CSMD1: variants seen among roughly 807,000 people sequenced by gnomAD.
CSMD1 encodes the protein CUB and Sushi multiple domains 1.
Under a neutral mutation model 417.5 loss-of-function variants are expected in CSMD1, and 213 were observed. The observed-to-expected ratio is 0.51, with a 90% CI of 0.46 to 0.57. The LOEUF is 0.57. Among genes scored for constraint, CSMD1 ranks in the 20% least tolerant of loss-of-function variants. The pLI is 0.00. For missense variants in CSMD1, 6,923 were observed against 4,529.7 expected, an observed-to-expected ratio of 1.53 and a Z score of -15.17; for synonymous variants, 2,862 against 1,736.8, an observed-to-expected ratio of 1.65 and a Z score of -16.11.
chr8:4,778,000 A>T (rs1280068701), intron 1 of CSMD1, among the ~76,000 whole-genome samples: 3 of 152,206 alleles, frequency 2.0e-5, no homozygotes, highest in Non-Finnish European at 4.4e-5. Context: ...CATGATGGCA[A>T]ATTCTTAAAT....
chr8:3,578,010 C>A (rs1800223717), intron 9 of CSMD1, among the ~76,000 whole-genome samples: 1 of 152,080 alleles, frequency 6.6e-6, no homozygotes, highest in Non-Finnish European at 1.5e-5. Context: ...TCTGTTGTCC[C>A]CTAGCTGTCC....
chr8:4,971,396 G>A (rs983492115), intron 1 of CSMD1, among the ~76,000 whole-genome samples: 8 of 151,928 alleles, frequency 5.3e-5, no homozygotes, highest in African/African-American at 1.9e-4. Context: ...ATGTTTAGAA[G>A]AAACTCTTTT....
chr8:3,447,910 G>C (rs1815402974), intron 12 of CSMD1, among the ~76,000 whole-genome samples: 1 of 152,118 alleles, frequency 6.6e-6, no homozygotes, highest in South Asian at 2.1e-4. Flanking sequence ...AACCCCAGAG[G>C]AGCTGGAAGC....
intron 2 of CSMD1, among the ~76,000 whole-genome samples, chr8:4,550,003 T>G (rs75093778): frequency 0.014 from 2,070 of 151,166 alleles, 26 homozygotes; most frequent in Middle Eastern, 0.024. Flanking sequence ...TTTCTGTTAA[T>G]CAAGGACAAG....
intron 3 of CSMD1, among the ~76,000 whole-genome samples, chr8:4,199,218 C>T (rs915736959): frequency 6.9e-6 from 1 of 144,794 alleles, no homozygotes; most frequent in Non-Finnish European, 1.5e-5. Context: ...ACCAAATATC[C>T]TCTTGAGGTT....
In CSMD1 at chr8:3,610,837, T is replaced by C. The variant is rs1209826223; in HGVS notation, c.1097+5873A>G. ...GAAGGTCTGTGAGGTCAAAATCATTTTACAATACTCTAAGGTGTTATGTGC... is the reference window on the plus strand; with the variant it reads ...GAAGGTCTGTGAGGTCAAAATCATTCTACAATACTCTAAGGTGTTATGTGC... On this transcript the variant is annotated intron_variant, in intron 8 of 69. Transcript: ENST00000635120. Among the ~76,000 whole-genome samples the C allele has an allele frequency of 2.0e-5, 3 of 152,196 alleles. 1 individual carries two copies. The highest frequency in any genetic ancestry group is 2.0e-4 in the Admixed American group (3 of 15,284).
chr8:4,447,096 G>A (rs1174564298), intron 2 of CSMD1, among the ~76,000 whole-genome samples: 1 of 152,098 alleles, frequency 6.6e-6, no homozygotes, highest in East Asian at 1.9e-4. Context: ...GTCTCTTTGG[G>A]AAAAGGTACT....
chr8:3,421,511 T>A (rs571262843), intron 12 of CSMD1, among the ~76,000 whole-genome samples: 1 of 152,232 alleles, frequency 6.6e-6, no homozygotes, highest in Non-Finnish European at 1.5e-5. Context: ...GTTCTCACTA[T>A]GAAAATAACA....
chr8:3,367,688 A>G (rs1369267452), intron 19 of CSMD1, among the ~76,000 whole-genome samples: 1 of 152,250 alleles, frequency 6.6e-6, no homozygotes, highest in Non-Finnish European at 1.5e-5. Flanking sequence ...ATATAAGTAC[A>G]GATATGATGT....
At chr8:4,311,863 G>C (rs1044249099) in intron 3 of CSMD1, among the ~76,000 whole-genome samples, 1 of 152,074 alleles carries the variant, frequency 6.6e-6, no homozygotes, top group Admixed American at 6.6e-5. Context: ...GTTAGGTACT[G>C]GGTATAATAC....
At chr8:4,197,923 C>G (rs1353427016) in intron 3 of CSMD1, among the ~76,000 whole-genome samples, 1 of 152,146 alleles carries the variant, frequency 6.6e-6, no homozygotes, top group African/African-American at 2.4e-5. Context: ...TCTATTCATT[C>G]ATTTAGTAAT....
intron 3 of CSMD1, among the ~76,000 whole-genome samples, chr8:4,044,468 G>A (rs780297460): frequency 6.6e-6 from 1 of 152,140 alleles, no homozygotes; most frequent in South Asian, 2.1e-4. Context: ...TTTAACTGGA[G>A]GGTCACATCT....
intron 4 of CSMD1, among the ~76,000 whole-genome samples, chr8:4,021,505 C>T (rs541624181): frequency 2.8e-4 from 43 of 152,252 alleles, no homozygotes; most frequent in Non-Finnish European, 5.1e-4. Flanking sequence ...TCCCCAGCAT[C>T]GTCCTCAGTA....
At chr8:3,680,134 G>A (rs865789321) in intron 7 of CSMD1, among the ~76,000 whole-genome samples, 18 of 152,208 alleles carry the variant, frequency 1.2e-4, no homozygotes, top group African/African-American at 4.1e-4. Context: ...AACTAGAGAA[G>A]CAAGAGCAAA....
intron 3 of CSMD1, among the ~76,000 whole-genome samples, chr8:4,120,842 G>A (rs528247344): frequency 2.4e-4 from 36 of 152,194 alleles, no homozygotes; most frequent in African/African-American, 8.2e-4. Flanking sequence ...GGAGGGAGAA[G>A]TCTTTTAAAA....
At chr8:3,270,551 G>C (rs1316288844) in intron 26 of CSMD1, among the ~76,000 whole-genome samples, 2 of 152,164 alleles carry the variant, frequency 1.3e-5, no homozygotes, top group Non-Finnish European at 2.9e-5. Context: ...GTGATCAAGA[G>C]TAAAAGAACT....
intron 10 of CSMD1, among the ~76,000 whole-genome samples, chr8:3,573,561 T>TAA (rs139978962): frequency 0.034 from 5,151 of 152,188 alleles, 278 homozygotes; most frequent in African/African-American, 0.11. Flanking sequence ...AATTTTTACA[T>TAA]AAATAATAAC....
rs1316659268 is a variant in CSMD1, at chr8:4,615,887, T to A, written c.302+21455A>T. ...AGCATTCTTTTTTCACTGTTTTGGA[T>A]GAATTCATAGCCCATAACTATTTGT... is the stretch of plus-strand genomic sequence containing the variant. On this transcript the variant is annotated intron_variant, in intron 2 of 69. Transcript: ENST00000635120. 5.3e-5 allele frequency among the ~76,000 whole-genome samples: 8 copies of A among 152,344 alleles called. No individual in the cohort carries two copies. The East Asian group carries it at 1.5e-3, about 29-fold the overall frequency.
intron 12 of CSMD1, among the ~76,000 whole-genome samples, chr8:3,416,810 A>G (rs1478528057): frequency 6.6e-6 from 1 of 152,244 alleles, no homozygotes; most frequent in Non-Finnish European, 1.5e-5. Flanking sequence ...ACCTGTCTCC[A>G]CAAGTAGATG....
Sources: gnomAD v4.1 joint callset for allele counts (sites outside exome capture counted in the v4.1 genomes callset) on GRCh38, gnomAD v4.1.1 for gene constraint, MANE v1.5 for transcripts, NCBI Gene and HGNC (gene_info 2026-07-23, HGNC 2026-07-21) for gene names.